FAM210B: variants seen among roughly 807,000 people sequenced by gnomAD.
FAM210B encodes the protein mitochondrial inner membrane scaffold 2.
In FAM210B, 11 loss-of-function variants were observed where a neutral mutation model predicts 14.9. The ratio of observed to expected loss-of-function variants is 0.74; its 90% CI spans 0.46 to 1.22. The LOEUF (loss-of-function observed/expected upper bound fraction) is 1.22, where lower values mean the gene tolerates loss of function less well. Among genes scored for constraint, FAM210B ranks in the 50% most tolerant of loss-of-function variants. The pLI is 0.00. For synonymous variants in FAM210B, 113 were observed against 110.2 expected (o/e 1.03, Z -0.16); for missense variants, 229 against 250.1 (o/e 0.92, Z 0.57).
rs1444158117 is a variant in FAM210B, at chr20:56,359,536, G to A, written c.186+345G>A. On this transcript the variant is annotated intron_variant, in intron 1 of 2. Transcript: ENST00000371384. This position sits in a 1 kb window ranked among gnomAD's most constrained non-coding sequence, Gnocchi z 4.3. The stretch of plus-strand genomic sequence containing the variant: ...CGTTGCCTGCGGAGTTGTTGTCCAG[G>A]CCTTCTGGCTGGGTCTCGCTGTGTT... Among the ~76,000 whole-genome samples, 1 of 152,182 alleles carries A rather than the reference G, an allele frequency of 6.6e-6. No individual in the cohort carries two copies. Among genetic ancestry groups the A allele is most frequent in the East Asian group, 1.9e-4 (1 of 5,192 alleles).
chr20:56,359,143 A>G lies in FAM210B; in HGVS notation c.138A>G (p.Leu46=). 1.6e-6 allele frequency: 2 copies of G among 1,263,110 alleles called. No homozygotes were observed. Among genetic ancestry groups the G allele is most frequent in the Non-Finnish European group, 2.0e-6 (2 of 1,011,058 alleles). The allele number at this position is 1,263,110 out of a possible 1,614,324, so 78.2% of individuals were successfully genotyped here. The part of the protein sequence containing the change: ...PLALALLPPR[L]DARLLRTARG... ...CCCTGGCCCTGCTCCCGCCCAGGCTAGACGCCCGGCTGCTCCGCACGGCGC... is the reference window on the plus strand; with the variant it reads ...CCCTGGCCCTGCTCCCGCCCAGGCTGGACGCCCGGCTGCTCCGCACGGCGC... Residue 46 remains leucine, a synonymous_variant, in exon 1 of 3, where the codon CTA becomes CTG. Coordinates refer to ENST00000371384, the MANE Select transcript of FAM210B (RefSeq NM_080821.3). The surrounding 1 kb of genome is among the most constrained non-coding windows in gnomAD (Gnocchi z 4.3).
chr20:56,364,993 A>G, intron 1 of FAM210B, 94 bp from the exon 2 acceptor site: 2 of 1,195,526 alleles, frequency 1.7e-6, no homozygotes, highest in South Asian at 3.2e-5. Context: ...CTCATCCAGC[A>G]GGAAAGAGTA....
Position 56,366,331 on chromosome 20 carries a change from T to G in FAM210B, c.*44T>G. 6.3e-7 allele frequency: 1 copy of G among 1,589,302 alleles called. No homozygotes were observed. Among genetic ancestry groups the G allele is most frequent in the Non-Finnish European group, 8.6e-7 (1 of 1,158,868 alleles). On this transcript the variant is annotated 3_prime_UTR_variant, in exon 3 of 3. Transcript: ENST00000371384. Reference sequence around the variant, plus strand: ...ACACTGAAAACCTATTTCTTCTAAATTACATGATTTGGATTGGTTTTAGGG... The same window carrying G: ...ACACTGAAAACCTATTTCTTCTAAAGTACATGATTTGGATTGGTTTTAGGG...
chr20:56,365,598 C>T (rs111912251), intron 2 of FAM210B, among the ~76,000 whole-genome samples: 15,009 of 152,112 alleles, frequency 0.099, 2,211 homozygotes, highest in African/African-American at 0.32. Flanking sequence ...CTCTGCCTCC[C>T]GGGTTCAAGT....
intron 1 of FAM210B, among the ~76,000 whole-genome samples, chr20:56,361,715 G>A (rs1213115323): frequency 5.3e-5 from 8 of 152,088 alleles, no homozygotes; most frequent in Non-Finnish European, 8.8e-5. Flanking sequence ...GGTGGCTCAC[G>A]CCTGTAATCC....
rs551167728 is a variant in FAM210B, at chr20:56,365,811, G to GT, written c.363-253dup. Among the ~76,000 whole-genome samples, 3 of 151,684 alleles carry GT rather than the reference G, an allele frequency of 2.0e-5. No individual in the cohort carries two copies. The East Asian group carries it at 5.9e-4, about 30-fold the overall frequency. On this transcript the variant is annotated intron_variant, in intron 2 of 2. Transcript: ENST00000371384. Reference sequence around the variant, plus strand: ...AGCCCCCGCGTCAGGCCGATTGTATGTTTTTTTGTTGTGTTGAGACAAGAG... The same window carrying GT: ...AGCCCCCGCGTCAGGCCGATTGTATGTTTTTTTTGTTGTGTTGAGACAAGAG...
In FAM210B at chr20:56,365,175, T is replaced by C. The variant is rs1445401976; in HGVS notation, c.275T>C (p.Ile92Thr). The C allele has an allele frequency of 1.2e-6, 2 of 1,614,156 alleles. No individual in the cohort carries two copies. The highest frequency in any genetic ancestry group is 4.5e-5 in the East Asian group (2 of 44,878). The change falls in exon 2 of 3, where the codon ATT becomes ACT. Residue 92 changes from isoleucine to threonine, a missense_variant. Ile to Thr is a moderately conservative substitution (Grantham distance 89). Around this residue, in one of 3 missense-constraint regions of FAM210B, gnomAD observed 144 missense variants for 132.5 expected, o/e 1.09. Coordinates refer to ENST00000371384, the MANE Select transcript of FAM210B (RefSeq NM_080821.3). ...AGCAAGTCACAGCAACTGAAAAAGA[T>C]TTTTCAAGAGTATGGCACTGTTGGC... The part of the protein sequence containing the change: ...KQSKSQQLKK[I>T]FQEYGTVGVS...
Position 56,362,451 on chromosome 20 carries a change from A to G in FAM210B, c.187-2636A>G. Among the ~76,000 whole-genome samples, 1 of 152,180 alleles carries G rather than the reference A, an allele frequency of 6.6e-6. No homozygotes were observed. Among genetic ancestry groups the G allele is most frequent in the East Asian group, 1.9e-4 (1 of 5,192 alleles). ...CTAACACATCCCGGGTACTTACGGC[A>G]ATGTTTCACGAAGAAATGAATGTCT... On this transcript the variant is annotated intron_variant, in intron 1 of 2. Coordinates refer to ENST00000371384, the MANE Select transcript of FAM210B (RefSeq NM_080821.3). The surrounding 1 kb of genome is among the most constrained non-coding windows in gnomAD (Gnocchi z 4.8).
In FAM210B at chr20:56,365,973, ATTACATTT is replaced by A; in HGVS notation, c.363-95_363-88del. ...AGACTTTTATTCATTCAGCTACTTC[ATTACATTT>A]TTTAAAATACTGTAAATCTTATAGC... On this transcript the variant is annotated intron_variant, in intron 2 of 2. Coordinates refer to ENST00000371384, the MANE Select transcript of FAM210B (RefSeq NM_080821.3). 4 of 827,310 alleles carry A rather than the reference ATTACATTT, an allele frequency of 4.8e-6. 2 individuals are homozygous for A. The highest frequency in any genetic ancestry group is 3.5e-6 in the Non-Finnish European group (2 of 569,026). 51.2% of individuals were successfully genotyped at this position (827,310 alleles called of 1,614,324 possible).
rs1314402207 is a variant in FAM210B, at chr20:56,365,257, G to T, written c.357G>T (p.Val119=). ...LISLGIFYMV[V]SSGVDMPAIL... ...CCTTGGGCATATTTTACATGGTTGT[G>T]TCAAGGTAAGATTTTTGACAGTAAT... The change falls in exon 2 of 3, where the codon GTG becomes GTT. Residue 119 remains valine, a synonymous_variant. Transcript: ENST00000371384. 23 of 1,611,472 alleles carry T rather than the reference G, an allele frequency of 1.4e-5. No homozygotes were observed. The highest frequency in any genetic ancestry group is 1.9e-5 in the Non-Finnish European group (22 of 1,178,602).
chr20:56,359,214 G>C lies in FAM210B; in HGVS notation c.186+23G>C. The C allele has an allele frequency of 8.2e-7, 1 of 1,224,868 alleles. No homozygotes were observed. Among genetic ancestry groups the C allele is most frequent in the Non-Finnish European group, 1.0e-6 (1 of 984,426 alleles). The allele number at this position is 1,224,868 out of a possible 1,614,324, so 75.9% of individuals were successfully genotyped here. A position where few individuals can be genotyped will look rare whatever the true frequency, so the allele number is the denominator to read the frequency against. On this transcript the variant is annotated intron_variant, in intron 1 of 2. Coordinates refer to ENST00000371384, the MANE Select transcript of FAM210B (RefSeq NM_080821.3). This position sits in a 1 kb window ranked among gnomAD's most constrained non-coding sequence, Gnocchi z 4.3. ...CAGGTAAGCACCCCACCCCGACCCT[G>C]ATCCCGGGCGGTGTCCAGGTCCCCA...
rs1214721508 is a variant in FAM210B at position 56,362,469 on chromosome 20, G to A, written c.187-2618G>A. Among the ~76,000 whole-genome samples, 5 of 152,168 alleles carry A rather than the reference G, an allele frequency of 3.3e-5. No homozygotes were observed. The highest frequency in any genetic ancestry group is 1.2e-4 in the African/African-American group (5 of 41,444). ...TTACGGCAATGTTTCACGAAGAAAT[G>A]AATGTCTAAAAATTTTCCATTGCCT... is the stretch of plus-strand genomic sequence containing the variant. On this transcript the variant is annotated intron_variant, in intron 1 of 2. Transcript: ENST00000371384. The surrounding 1 kb of genome is among the most constrained non-coding windows in gnomAD (Gnocchi z 4.8).
chr20:56,359,968 GT>G lies in FAM210B; in HGVS notation c.186+781del, dbSNP rs1983498935. 6.6e-6 allele frequency among the ~76,000 whole-genome samples: 1 copy of G among 152,198 alleles called. No individual in the cohort carries two copies. The highest frequency in any genetic ancestry group is 2.4e-5 in the African/African-American group (1 of 41,450). ...CCGAGTCCTGAAGGCTTTTGAGCTT[GT>G]TTTCTGACCTTTAGAGGGCCAAAAA... On this transcript the variant is annotated intron_variant, in intron 1 of 2. Coordinates refer to ENST00000371384, the MANE Select transcript of FAM210B (RefSeq NM_080821.3). This position sits in a 1 kb window ranked among gnomAD's most constrained non-coding sequence, Gnocchi z 4.3.
At position 56,362,313 on chromosome 20, in the gene FAM210B, A is replaced by C. The variant is rs1983548303; in HGVS notation, c.187-2774A>C. 1.4e-5 allele frequency among the ~76,000 whole-genome samples: 2 copies of C among 145,864 alleles called. No homozygotes were observed. Among genetic ancestry groups the C allele is most frequent in the African/African-American group, 5.3e-5 (2 of 37,410 alleles). On this transcript the variant is annotated intron_variant, in intron 1 of 2. Coordinates refer to ENST00000371384, the MANE Select transcript of FAM210B (RefSeq NM_080821.3). The surrounding 1 kb of genome is among the most constrained non-coding windows in gnomAD (Gnocchi z 4.8). ...ACTTTAAAAAATGTTGGGGAGAGGCAGAAGGGGCATCTCACACACACACTG... is the reference window on the plus strand; with the variant it reads ...ACTTTAAAAAATGTTGGGGAGAGGCCGAAGGGGCATCTCACACACACACTG...
At chr20:56,364,928 T>G (rs1198336010) in intron 1 of FAM210B, among the ~76,000 whole-genome samples, 159 bp from the exon 2 acceptor site, 1 of 152,014 alleles carries the variant, frequency 6.6e-6, no homozygotes, top group Non-Finnish European at 1.5e-5. Context: ...CACTCCAGCC[T>G]GGATGACAGA....
intron 1 of FAM210B, among the ~76,000 whole-genome samples, chr20:56,364,038 G>T (rs1474705817): frequency 6.6e-6 from 1 of 152,158 alleles, no homozygotes; most frequent in African/African-American, 2.4e-5. Context: ...GAGGATGGAA[G>T]GAGAAAGGGT....
intron 1 of FAM210B, chr20:56,360,137 A>C (rs1461209640): frequency 4.3e-6 from 2 of 466,012 alleles, no homozygotes; most frequent in Non-Finnish European, 8.8e-6. Flanking sequence ...CCAGGCTTTC[A>C]TCATGCCTCC....
At chr20:56,361,774 C>T (rs1163467794) in intron 1 of FAM210B, among the ~76,000 whole-genome samples, 15 of 152,086 alleles carry the variant, frequency 9.9e-5, no homozygotes, top group African/African-American at 3.6e-4. Context: ...GTCAGAAGCT[C>T]GAGACCAGCC....
At position 56,359,337 on chromosome 20, in the gene FAM210B, C is replaced by A; in HGVS notation, c.186+146C>A. On this transcript the variant is annotated intron_variant, in intron 1 of 2. Transcript: ENST00000371384. This position sits in a 1 kb window ranked among gnomAD's most constrained non-coding sequence, Gnocchi z 4.3. The stretch of plus-strand genomic sequence containing the variant: ...CCGAGCTCTTCCAGGGTCCCCGAAA[C>A]CCCAAATCCCTGCAAGCCAAGGAAG... 1.2e-6 allele frequency: 1 copy of A among 805,528 alleles called. No individual in the cohort carries two copies. The highest frequency in any genetic ancestry group is 1.6e-6 in the Non-Finnish European group (1 of 608,356). The allele number at this position is 805,528 out of a possible 1,614,324, so 49.9% of individuals were successfully genotyped here.
Sources: allele counts gnomAD v4.1 joint callset (sites outside exome capture counted in the v4.1 genomes callset), GRCh38; gene constraint gnomAD v4.1.1; regional missense constraint gnomAD v4.1.1; non-coding constraint Gnocchi (gnomAD v3.1); transcripts MANE v1.5; gene names NCBI Gene and HGNC (gene_info 2026-07-23, HGNC 2026-07-21).